The following ALG2 variants were observed in gnomAD, a reference collection of about 807,000 sequenced individuals.
ALG2 encodes the protein alpha-1,3/1,6-mannosyltransferase ALG2.
ALG2 carries 32 observed loss-of-function variants against 30.5 expected under a neutral mutation model. The observed-to-expected ratio is 1.05, with a 90% CI of 0.79 to 1.41. ALG2 has a LOEUF of 1.41. Among genes scored for constraint, ALG2 ranks in the 40% most tolerant of loss-of-function variants. The probability of loss-of-function intolerance (pLI) is 0.00; values close to 1 mark genes in which losing one functional copy is unlikely to be tolerated. For missense variants in ALG2, 574 were observed against 526.4 expected (o/e 1.09, Z -0.88); for synonymous variants, 253 against 224.8 (o/e 1.13, Z -1.12).
At chr9:99,220,431 G>C (rs1286943330) in intron 1 of ALG2, among the ~76,000 whole-genome samples, 1 of 152,174 alleles carries the variant, frequency 6.6e-6, no homozygotes, top group Non-Finnish European at 1.5e-5. Flanking sequence ...CCAGCACTTT[G>C]GGAGGCCGAG....
intron 1 of ALG2, chr9:99,221,046 A>G (rs1403377366): frequency 7.4e-7 from 1 of 1,354,134 alleles, no homozygotes; most frequent in Non-Finnish European, 9.8e-7. Context: ...TAATAGGGGC[A>G]TGATATATTC....
At position 99,221,659 on chromosome 9, in the gene ALG2, A is replaced by G. The variant is rs1564222174; in HGVS notation, c.236T>C (p.Leu79Pro). Residue 79 changes from leucine to proline, a missense_variant, in exon 1 of 2, where the codon CTG becomes CCG. Coordinates refer to ENST00000476832, the MANE Select transcript of ALG2 (RefSeq NM_033087.4). ...GGCGGCGCCGCGGCCGCCCCAGCCC[A>G]GGCCTCGCGGCAGCCAGTCCCCGGC... ...RCAGDWLPRG[L>P]GWGGRGAAVC... 6.5e-7 allele frequency: 1 copy of G among 1,548,222 alleles called. No individual in the cohort carries two copies. The highest frequency in any genetic ancestry group is 1.9e-5 in the Admixed American group (1 of 51,966).
rs780178144 is a variant in ALG2, at chr9:99,217,078, G to C, written c.*856C>G. On this transcript the variant is annotated 3_prime_UTR_variant, in exon 2 of 2. Transcript: ENST00000476832. ...GGAGGTGGCCAGAGGGTCAAAGAAA[G>C]CTTTGCAGCAGTGGCATTTGAGCCA... is the stretch of plus-strand genomic sequence containing the variant. 8.8e-6 allele frequency: 4 copies of C among 454,014 alleles called. No individual in the cohort carries two copies. Among genetic ancestry groups the C allele is most frequent in the South Asian group, 6.2e-5 (4 of 64,486 alleles). 28.1% of individuals were successfully genotyped at this position (454,014 alleles called of 1,614,324 possible).
Position 99,218,342 on chromosome 9 carries a change from A to T in ALG2, c.843T>A (p.Tyr281Ter). 4 of 1,614,198 alleles carry T rather than the reference A, an allele frequency of 2.5e-6. No homozygotes were observed. The highest frequency in any genetic ancestry group is 3.4e-6 in the Non-Finnish European group (4 of 1,180,030). ...DERVLENVEHYQELKKMVQQS... is the reference protein window; with the variant it reads ...DERVLENVEH ...GTTGGACCATTTTCTTCAATTCCTG[A>T]TAATGTTCCACATTCTCCAGGACTC... Residue 281 changes from tyrosine (Y) to a stop codon, truncating the protein, a stop_gained, in exon 2 of 2, where the codon TAT becomes TAA. Transcript: ENST00000476832. LOFTEE classifies it high-confidence loss of function.
Position 99,218,088 on chromosome 9 carries a change from G to C in ALG2, c.1097C>G (p.Pro366Arg), listed in dbSNP as rs771801361. ...TTCTATTGCTTCTGAGAAGTGCACC[G>C]GGTCAGGCTCACACAGAAACCCTGT... Reference protein sequence around the residue: ...SVTGFLCEPDPVHFSEAIEKF... With the variant: ...SVTGFLCEPDRVHFSEAIEKF... Residue 366 changes from proline to arginine, a missense_variant, in exon 2 of 2, where the codon CCG becomes CGG. Physicochemically the swap from Pro to Arg is moderately radical, Grantham distance 103 (BLOSUM62 -2). Transcript: ENST00000476832. 1 of 1,613,832 alleles carries C rather than the reference G, an allele frequency of 6.2e-7. No homozygotes were observed. Among genetic ancestry groups the C allele is most frequent in the East Asian group, 2.2e-5 (1 of 44,878 alleles).
In ALG2 at chr9:99,216,550, A is replaced by G. The variant is rs187670471; in HGVS notation, c.*1384T>C. On this transcript the variant is annotated 3_prime_UTR_variant, in exon 2 of 2. Transcript: ENST00000476832. ...CTCCTGTGATACAGATGCACATGAT[A>G]AACTGTAAAATGGAATTTCACCCAT... The G allele has an allele frequency of 9.0e-4, 408 of 454,146 alleles. 1 individual carries two copies. Among genetic ancestry groups the G allele is most frequent in the Non-Finnish European group, 7.5e-4 (171 of 226,798 alleles). 28.1% of individuals were successfully genotyped at this position (454,146 alleles called of 1,614,324 possible). A position where few individuals can be genotyped will look rare whatever the true frequency, so the allele number is the denominator to read the frequency against.
rs748435948 is a variant in ALG2, at chr9:99,217,892, T to C, written c.*42A>G. ...TTTGGTTTCAAAACTGGGTCTACAA[T>C]CCATAAAAATGACATTAATGGAGAT... On this transcript the variant is annotated 3_prime_UTR_variant, in exon 2 of 2. Transcript: ENST00000476832. 1 of 1,602,600 alleles carries C rather than the reference T, an allele frequency of 6.2e-7. No homozygotes were observed. Among genetic ancestry groups the C allele is most frequent in the African/African-American group, 1.3e-5 (1 of 74,672 alleles).
At position 99,221,635 on chromosome 9, in the gene ALG2, GC is replaced by G. The variant is rs1176663785; in HGVS notation, c.259del (p.Ala87ProfsTer26). 2 of 1,539,136 alleles carry G rather than the reference GC, an allele frequency of 1.3e-6. No individual in the cohort carries two copies. The highest frequency in any genetic ancestry group is 1.7e-6 in the Non-Finnish European group (2 of 1,145,084). On this transcript the variant is annotated frameshift_variant, in exon 1 of 2. Coordinates refer to ENST00000476832, the MANE Select transcript of ALG2 (RefSeq NM_033087.4). LOFTEE classifies it high-confidence loss of function. ...AACCATGCGCACGTAGGCGCAGACG[GC>G]GGCGCCGCGGCCGCCCCAGCCCAGG... ...RGLGWGGRGAAVCAYVRMVFL... is the reference protein window; with the variant it reads ...RGLGWGGRGAXVCAYVRMVFL...
In ALG2 at chr9:99,218,105, A is replaced by G; in HGVS notation, c.1080T>C (p.Phe360=). 1 of 1,613,254 alleles carries G rather than the reference A, an allele frequency of 6.2e-7. No individual in the cohort carries two copies. Among genetic ancestry groups the G allele is most frequent in the Non-Finnish European group, 8.5e-7 (1 of 1,179,446 alleles). ...AGTGCACCGGGTCAGGCTCACACAGAAACCCTGTGACACTGTGGTCAATGG... is the reference window on the plus strand; with the variant it reads ...AGTGCACCGGGTCAGGCTCACACAGGAACCCTGTGACACTGTGGTCAATGG... ...LESIDHSVTG[F]LCEPDPVHFS... Residue 360 remains phenylalanine (F), a synonymous_variant, in exon 2 of 2, where the codon TTT becomes TTC. Transcript: ENST00000476832.
In ALG2 at chr9:99,218,616, G is replaced by A. The variant is rs781166478; in HGVS notation, c.569C>T (p.Ser190Phe). ...GACATCAGGGTCTATGTGAGACAGG[G>A]ACTTGAATGTTTCCTTAAAAACAGC... is the stretch of plus-strand genomic sequence containing the variant. Reference protein sequence around the residue: ...TAAVFKETFKSLSHIDPDVLY... With the variant: ...TAAVFKETFKFLSHIDPDVLY... Residue 190 changes from serine to phenylalanine, a missense_variant, in exon 2 of 2, where the codon TCC becomes TTC. Coordinates refer to ENST00000476832, the MANE Select transcript of ALG2 (RefSeq NM_033087.4). The A allele has an allele frequency of 1.9e-6, 3 of 1,614,194 alleles. No individual in the cohort carries two copies. The highest frequency in any genetic ancestry group is 2.5e-6 in the Non-Finnish European group (3 of 1,180,046).
Position 99,218,005 on chromosome 9 carries a change from C to G in ALG2, c.1180G>C (p.Val394Leu), listed in dbSNP as rs756310521. Residue 394 changes from valine to leucine, a missense_variant, in exon 2 of 2, where the codon GTG becomes CTG. Val to Leu is a conservative substitution (Grantham distance 32). Coordinates refer to ENST00000476832, the MANE Select transcript of ALG2 (RefSeq NM_033087.4). ...ATMGLAGRAR[V>L]KEKFSPEAFT... ...GCTTCAGGGGAAAATTTTTCCTTCA[C>G]TCTGGCTCTTCCAGCCAGGCCCATG... 4.3e-6 allele frequency: 7 copies of G among 1,614,106 alleles called. No individual in the cohort carries two copies. The African/African-American group carries it at 9.3e-5, about 22-fold the overall frequency.
Position 99,218,019 on chromosome 9 carries a change from G to T in ALG2, c.1166C>A (p.Ala389Asp), listed in dbSNP as rs1440815029. The T allele has an allele frequency of 6.2e-7, 1 of 1,614,104 alleles. No homozygotes were observed. Among genetic ancestry groups the T allele is most frequent in the African/African-American group, 1.3e-5 (1 of 74,920 alleles). ...TTTTTCCTTCACTCTGGCTCTTCCAGCCAGGCCCATGGTGGCTTTTAAGGA... is the reference window on the plus strand; with the variant it reads ...TTTTTCCTTCACTCTGGCTCTTCCATCCAGGCCCATGGTGGCTTTTAAGGA... The part of the protein sequence containing the change: ...EPSLKATMGL[A>D]GRARVKEKFS... Residue 389 changes from alanine to aspartate, a missense_variant, in exon 2 of 2, where the codon GCT becomes GAT. Ala to Asp is a moderately radical substitution (Grantham distance 126, BLOSUM62 -2). Coordinates refer to ENST00000476832, the MANE Select transcript of ALG2 (RefSeq NM_033087.4).
At position 99,216,817 on chromosome 9, in the gene ALG2, T is replaced by C. The variant is rs554374279; in HGVS notation, c.*1117A>G. 3.0e-4 allele frequency: 134 copies of C among 454,138 alleles called. No homozygotes were observed. The highest frequency in any genetic ancestry group is 2.5e-3 in the African/African-American group (127 of 50,136). The allele number at this position is 454,138 out of a possible 1,614,324, so 28.1% of individuals were successfully genotyped here. On this transcript the variant is annotated 3_prime_UTR_variant, in exon 2 of 2. Coordinates refer to ENST00000476832, the MANE Select transcript of ALG2 (RefSeq NM_033087.4). ...ATAGAGATCAATTTACACAAAATCA[T>C]ATAGGCTGTTAGGCTCTCAAGTCTA...
chr9:99,219,890 T>C (rs1828761494), intron 1 of ALG2, among the ~76,000 whole-genome samples: 6 of 152,220 alleles, frequency 3.9e-5, no homozygotes, highest in Admixed American at 3.3e-4. Context: ...GTTTGGTAAA[T>C]GTCCACGTTA....
chr9:99,221,879 C>T lies in ALG2; in HGVS notation c.16G>A (p.Gly6Ser), dbSNP rs773062290. 6 of 1,589,126 alleles carry T rather than the reference C, an allele frequency of 3.8e-6. No homozygotes were observed. The highest frequency in any genetic ancestry group is 2.2e-5 in the East Asian group (1 of 44,580). The change falls in exon 1 of 2, where the codon GGC becomes AGC. Residue 6 changes from glycine (G) to serine (S), a missense_variant. Coordinates refer to ENST00000476832, the MANE Select transcript of ALG2 (RefSeq NM_033087.4). Reference sequence around the variant, plus strand: ...TTGGGAACCGAGTCCCGTTCCCGGCCCTGCTCCTCCGCCATGGCCCTGGAG... The same window carrying T: ...TTGGGAACCGAGTCCCGTTCCCGGCTCTGCTCCTCCGCCATGGCCCTGGAG... MAEEQ[G>S]RERDSVPKPS...
At chr9:99,221,062 G>A in intron 1 of ALG2, 2 of 1,355,948 alleles carry the variant, frequency 1.5e-6, no homozygotes, top group African/African-American at 1.5e-5. Context: ...TATTCAGCTT[G>A]GCGTTTTTAA....
chr9:99,216,919 G>A lies in ALG2; in HGVS notation c.*1015C>T, dbSNP rs1168592527. On this transcript the variant is annotated 3_prime_UTR_variant, in exon 2 of 2. Transcript: ENST00000476832. ...TCTGGAAATGAATTTAGCCTTAGAA[G>A]TATGTTGAAAACTACTGTTTATGAT... The A allele has an allele frequency of 4.4e-6, 2 of 454,084 alleles. No individual in the cohort carries two copies. Among genetic ancestry groups the A allele is most frequent in the African/African-American group, 4.0e-5 (2 of 50,118 alleles). 28.1% of individuals were successfully genotyped at this position (454,084 alleles called of 1,614,324 possible). A position where few individuals can be genotyped will look rare whatever the true frequency, so the allele number is the denominator to read the frequency against.
At position 99,217,668 on chromosome 9, in the gene ALG2, A is replaced by G. The variant is rs1253577939; in HGVS notation, c.*266T>C. The G allele has an allele frequency of 1.7e-6, 1 of 578,538 alleles. No individual in the cohort carries two copies. Among genetic ancestry groups the G allele is most frequent in the South Asian group, 1.5e-5 (1 of 65,300 alleles). The allele number at this position is 578,538 out of a possible 1,614,324, so 35.8% of individuals were successfully genotyped here. On this transcript the variant is annotated 3_prime_UTR_variant, in exon 2 of 2. Transcript: ENST00000476832. ...AGAGCAATAATCCCGAGAAAATATA[A>G]TTAAAATACTCTGCTGAACATGGAA...
In ALG2 at chr9:99,217,731, G is replaced by T; in HGVS notation, c.*203C>A. The T allele has an allele frequency of 1.4e-6, 1 of 697,652 alleles. No homozygotes were observed. The allele number at this position is 697,652 out of a possible 1,614,324, so 43.2% of individuals were successfully genotyped here. ...TGTAACTTAACACTGGCAAAATTTGGAATGATTATAGCATAAAAGACATGG... is the reference window on the plus strand; with the variant it reads ...TGTAACTTAACACTGGCAAAATTTGTAATGATTATAGCATAAAAGACATGG... On this transcript the variant is annotated 3_prime_UTR_variant, in exon 2 of 2. Coordinates refer to ENST00000476832, the MANE Select transcript of ALG2 (RefSeq NM_033087.4).
Sources: allele counts gnomAD v4.1 joint callset (sites outside exome capture counted in the v4.1 genomes callset), GRCh38; gene constraint gnomAD v4.1.1; transcripts MANE v1.5; gene names NCBI Gene and HGNC (gene_info 2026-07-23, HGNC 2026-07-21).